AKT3: variants seen among roughly 807,000 people sequenced by gnomAD.
AKT3 encodes the protein RAC-gamma serine/threonine-protein kinase.
A neutral mutation model predicts 65.3 loss-of-function variants in AKT3; 15 were observed. The observed-to-expected ratio is 0.23, with a 90% CI of 0.15 to 0.35. The LOEUF (loss-of-function observed/expected upper bound fraction) is 0.35. Ranked by LOEUF, AKT3 falls within the 10% of genes least tolerant of loss-of-function variation. The probability of loss-of-function intolerance (pLI) is 1.00; values close to 1 mark genes in which losing one functional copy is unlikely to be tolerated. For missense variants in AKT3, 243 were observed against 576.5 expected (o/e 0.42, Z 5.92); for synonymous variants, 206 against 183.8 (o/e 1.12, Z -0.98).
At chr1:243,699,203 GT>G (rs938873820) in intron 2 of AKT3, among the ~76,000 whole-genome samples, 1 of 151,888 alleles carries the variant, frequency 6.6e-6, no homozygotes, top group African/African-American at 2.4e-5. Context: ...TTGCATCTAA[GT>G]TTACACATGA....
chr1:243,614,946 C>T (rs1678185781), intron 7 of AKT3, 150 bp downstream of exon 7: 5 of 619,112 alleles, frequency 8.1e-6, no homozygotes, highest in Non-Finnish European at 1.1e-5. Flanking sequence ...TCCATACATT[C>T]TAATAAGTTA....
At chr1:243,578,388 A>G (rs1675098377) in intron 8 of AKT3, among the ~76,000 whole-genome samples, 1 of 152,204 alleles carries the variant, frequency 6.6e-6, no homozygotes, top group Admixed American at 6.5e-5. Flanking sequence ...CTGCAGGGAC[A>G]TGAATGGAGC....
chr1:243,776,972 A>G (rs1005942579), intron 2 of AKT3, among the ~76,000 whole-genome samples: 3 of 152,244 alleles, frequency 2.0e-5, no homozygotes, highest in Admixed American at 2.0e-4. Flanking sequence ...ACAGAAAACC[A>G]TCAGACAGTA....
At position 243,502,397 on chromosome 1, in the gene AKT3, C is replaced by G. The variant is rs1669371936; in HGVS notation, c.*2852G>C. On this transcript the variant is annotated 3_prime_UTR_variant, in exon 14 of 14. Coordinates refer to ENST00000673466, the MANE Select transcript of AKT3 (RefSeq NM_005465.7). The stretch of plus-strand genomic sequence containing the variant: ...AATTAGTGTAGAAAGCAAAGCTGAG[C>G]GCGACCCTGCCAACCATCTAAGCAG... 1 of 233,040 alleles carries G rather than the reference C, an allele frequency of 4.3e-6. No individual in the cohort carries two copies. Among genetic ancestry groups the G allele is most frequent in the East Asian group, 6.0e-5 (1 of 16,556 alleles). The allele number at this position is 233,040 out of a possible 1,614,324, so 14.4% of individuals were successfully genotyped here. A position where few individuals can be genotyped will look rare whatever the true frequency, so the allele number is the denominator to read the frequency against.
chr1:243,681,363 C>T (rs563257793), intron 3 of AKT3, among the ~76,000 whole-genome samples: 1 of 152,236 alleles, frequency 6.6e-6, no homozygotes, highest in South Asian at 2.1e-4. Context: ...TGCTGATAGG[C>T]AAACCACTGA....
At chr1:243,558,936 A>G (rs1221630980) in intron 10 of AKT3, among the ~76,000 whole-genome samples, 8 of 152,060 alleles carry the variant, frequency 5.3e-5, no homozygotes. Flanking sequence ...TGATTTTCAA[A>G]CTGTTTTACA....
intron 6 of AKT3, among the ~76,000 whole-genome samples, chr1:243,621,348 GTTC>G (rs1385197728): frequency 1.3e-5 from 2 of 152,152 alleles, no homozygotes; most frequent in African/African-American, 2.4e-5. Context: ...CTGAAAACGT[GTTC>G]TTCTTTTGGG....
chr1:243,720,254 T>C (rs1039296393), intron 2 of AKT3, among the ~76,000 whole-genome samples: 42 of 151,818 alleles, frequency 2.8e-4, no homozygotes, highest in African/African-American at 9.7e-4. Context: ...GCCAAGACCG[T>C]GCCATTGCAC....
intron 2 of AKT3, among the ~76,000 whole-genome samples, chr1:243,811,556 T>C (rs1025353005): frequency 1.1e-4 from 17 of 152,192 alleles, no homozygotes; most frequent in Non-Finnish European, 4.4e-5. Context: ...TCCATGCTCA[T>C]GGATAGGAAG....
At chr1:243,599,949 AAACTAATATTAGT>A (rs1452182236) in intron 8 of AKT3, among the ~76,000 whole-genome samples, 8 of 152,256 alleles carry the variant, frequency 5.3e-5, no homozygotes. Flanking sequence ...AAGACTACTA[AAACTAATATTAGT>A]ATGGCTAATA....
In AKT3 at chr1:243,779,017, ATTTCCTATTAATGGACATTTGGGCTT is replaced by A. The variant is rs547831940; in HGVS notation, c.46+64082_46+64107del. ...TGCTGTACCATGATTTACTTAGCCA[ATTTCCTATTAATGGACATTTGGGCTT>A]TTCCCTACTCTGATGCTGTATGTTG... On this transcript the variant is annotated intron_variant, in intron 2 of 13. Coordinates refer to ENST00000673466, the MANE Select transcript of AKT3 (RefSeq NM_005465.7). Among the ~76,000 whole-genome samples, 9 of 152,020 alleles carry A rather than the reference ATTTCCTATTAATGGACATTTGGGCTT, an allele frequency of 5.9e-5. No individual in the cohort carries two copies. The East Asian group carries it at 1.2e-3, about 20-fold the overall frequency.
chr1:243,653,038 A>G (rs1302295137), intron 4 of AKT3, among the ~76,000 whole-genome samples: 1 of 150,896 alleles, frequency 6.6e-6, no homozygotes, highest in South Asian at 2.1e-4. Flanking sequence ...AAACCCTTCA[A>G]AAAAAAAATC....
intron 6 of AKT3, among the ~76,000 whole-genome samples, chr1:243,635,366 A>G (rs996076864): frequency 2.0e-5 from 3 of 151,930 alleles, no homozygotes; most frequent in African/African-American, 7.2e-5. Flanking sequence ...TTTATAACTT[A>G]AGGAACTAGG....
intron 2 of AKT3, among the ~76,000 whole-genome samples, chr1:243,821,738 A>G (rs1693865169): frequency 6.6e-6 from 1 of 152,254 alleles, no homozygotes; most frequent in South Asian, 2.1e-4. Flanking sequence ...TAACCATCCT[A>G]AATATATATG....
intron 12 of AKT3, among the ~76,000 whole-genome samples, chr1:243,515,901 C>T (rs575048674): frequency 1.1e-4 from 16 of 151,606 alleles, no homozygotes; most frequent in Admixed American, 4.6e-4. Context: ...GGCATGAACC[C>T]GGGAGGCGGA....
chr1:243,640,040 T>A (rs1680256658), intron 5 of AKT3, among the ~76,000 whole-genome samples: 1 of 152,210 alleles, frequency 6.6e-6, no homozygotes, highest in Non-Finnish European at 1.5e-5. Flanking sequence ...TTTCAACATT[T>A]TTTGCTGCTC....
At chr1:243,526,251 T>C (rs750623510) in intron 12 of AKT3, among the ~76,000 whole-genome samples, 10 of 152,086 alleles carry the variant, frequency 6.6e-5, no homozygotes, top group African/African-American at 1.7e-4. Flanking sequence ...CCCAGGAGGA[T>C]AGACTGAAAC....
intron 3 of AKT3, among the ~76,000 whole-genome samples, chr1:243,678,103 A>T (rs1558710328): frequency 6.6e-6 from 1 of 152,122 alleles, no homozygotes; most frequent in Non-Finnish European, 1.5e-5. Flanking sequence ...AAACAAAAAA[A>T]GTCAAATATA....
chr1:243,757,141 T>C (rs1165298621), intron 2 of AKT3, among the ~76,000 whole-genome samples: 2 of 152,156 alleles, frequency 1.3e-5, no homozygotes, highest in Non-Finnish European at 2.9e-5. Context: ...TGAAAGACAT[T>C]ATCGAAAGAA....
Sources: gnomAD v4.1 joint callset for allele counts (sites outside exome capture counted in the v4.1 genomes callset) on GRCh38, gnomAD v4.1.1 for gene constraint, MANE v1.5 for transcripts, NCBI Gene and HGNC (gene_info 2026-07-23, HGNC 2026-07-21) for gene names.